The following PCBP3 variants were observed in gnomAD, a reference collection of about 807,000 sequenced individuals.
PCBP3 encodes poly(rC) binding protein 3.
PCBP3 carries 25 observed loss-of-function variants against 52.7 expected under a neutral mutation model. The observed-to-expected ratio is 0.47, with a 90% CI of 0.35 to 0.66. The LOEUF is 0.66. Among genes scored for constraint, PCBP3 ranks in the 30% least tolerant of loss-of-function variants. PCBP3 has a pLI of 0.01. For missense variants in PCBP3, 391 were observed against 490.3 expected, an observed-to-expected ratio of 0.80 and a Z score of 1.91; for synonymous variants, 162 against 183.0, an observed-to-expected ratio of 0.89 and a Z score of 0.93.
intron 4 of PCBP3, among the ~76,000 whole-genome samples, chr21:45,795,449 A>C (rs1037568476): frequency 2.6e-5 from 4 of 152,132 alleles, no homozygotes; most frequent in Non-Finnish European, 4.4e-5. Context: ...CATAAAGTGC[A>C]GTAAAAGTGG....
intron 5 of PCBP3, among the ~76,000 whole-genome samples, chr21:45,895,374 C>T (rs968363851): frequency 1.1e-4 from 17 of 152,254 alleles, no homozygotes; most frequent in Middle Eastern, 3.4e-3. Context: ...GTGGGTTTTA[C>T]GAGCCAGCCC....
chr21:45,646,107 C>CTCTCTCTGTGTGTG (rs1555895746), intron 1 of PCBP3, among the ~76,000 whole-genome samples: 110 of 83,802 alleles, frequency 1.3e-3, no homozygotes, highest in Non-Finnish European at 1.8e-3. Context: ...CTCTCTCTCT[C>CTCTCTCTGTGTGTG]TGTGTGTGTG....
intron 4 of PCBP3, among the ~76,000 whole-genome samples, chr21:45,825,842 A>T (rs2093292584): frequency 6.6e-6 from 1 of 152,168 alleles, no homozygotes; most frequent in East Asian, 1.9e-4. Flanking sequence ...TTTCACAGGG[A>T]GGGATTCAGT....
At chr21:45,900,665 G>C in intron 8 of PCBP3, 42 bp downstream of exon 8, 1 of 1,303,146 alleles carries the variant, frequency 7.7e-7, no homozygotes, top group Non-Finnish European at 1.1e-6. Context: ...CCATTCCCGG[G>C]TGGGCGGGGT....
chr21:45,831,931 G>A (rs1052207493), intron 4 of PCBP3, among the ~76,000 whole-genome samples: 5 of 152,044 alleles, frequency 3.3e-5, no homozygotes, highest in African/African-American at 7.2e-5. Context: ...GGATGGTCTC[G>A]AATTCCTGAC....
At chr21:45,901,298 G>A (rs1295712341) in intron 9 of PCBP3, 185 bp downstream of exon 9, 4 of 576,106 alleles carry the variant, frequency 6.9e-6, no homozygotes, top group Non-Finnish European at 1.3e-5. Context: ...CCCAGTCAGG[G>A]GCCAGTGTCT....
At chr21:45,922,051 T>C (rs913714123) in intron 13 of PCBP3, among the ~76,000 whole-genome samples, 2 of 152,192 alleles carry the variant, frequency 1.3e-5, no homozygotes, top group African/African-American at 4.8e-5. Flanking sequence ...TGTGCCTCTG[T>C]GTGTCCTGCC....
At chr21:45,684,403 G>A (rs1185924944) in intron 2 of PCBP3, among the ~76,000 whole-genome samples, 1 of 152,112 alleles carries the variant, frequency 6.6e-6, no homozygotes, top group Non-Finnish European at 1.5e-5. Context: ...GATATAGTGT[G>A]GATATTTGTC....
chr21:45,937,896 C>T (rs1056780245), intron 16 of PCBP3, among the ~76,000 whole-genome samples: 14 of 152,238 alleles, frequency 9.2e-5, no homozygotes, highest in Admixed American at 7.8e-4. Flanking sequence ...TGTGGTTAGG[C>T]GGGCATGCCC....
rs2092477830 is a variant in PCBP3 at position 45,805,852 on chromosome 21, C to T, written c.-125-44109C>T. On this transcript the variant is annotated intron_variant, in intron 4 of 17. Transcript: ENST00000681687. The surrounding 1 kb of genome is among the most constrained non-coding windows in gnomAD (Gnocchi z 4.6). ...AGGTGGCATTCCCTCCTAGCACCTG[C>T]ACACTCGGATGGTCCTGAGGAAAGG... Among the ~76,000 whole-genome samples, 1 of 152,094 alleles carries T rather than the reference C, an allele frequency of 6.6e-6. No individual in the cohort carries two copies. The highest frequency in any genetic ancestry group is 6.6e-5 in the Admixed American group (1 of 15,266).
rs142296123 is a variant in PCBP3 at position 45,802,846 on chromosome 21, G to A, written c.-125-47115G>A. Among the ~76,000 whole-genome samples the A allele has an allele frequency of 2.4e-3, 366 of 152,326 alleles. 1 individual carries two copies. Among genetic ancestry groups the A allele is most frequent in the African/African-American group, 8.2e-3 (343 of 41,576 alleles). On this transcript the variant is annotated intron_variant, in intron 4 of 17. Coordinates refer to ENST00000681687, the MANE Select transcript of PCBP3 (RefSeq NM_001384156.1). The surrounding 1 kb of genome is among the most constrained non-coding windows in gnomAD (Gnocchi z 5.1). ...CCTAGGGAAACCACACACAGGCCACGGAGGGAAAAGCTTTTAACCCTTGTC... is the reference window on the plus strand; with the variant it reads ...CCTAGGGAAACCACACACAGGCCACAGAGGGAAAAGCTTTTAACCCTTGTC...
chr21:45,914,342 G>A (rs1306745590), intron 12 of PCBP3: 6 of 513,486 alleles, frequency 1.2e-5, no homozygotes, highest in Non-Finnish European at 3.4e-6. Flanking sequence ...GCGCGCAGGC[G>A]CTTTCTAGGT....
chr21:45,821,299 C>T lies in PCBP3; in HGVS notation c.-125-28662C>T, dbSNP rs191617268. Among the ~76,000 whole-genome samples the T allele has an allele frequency of 4.6e-5, 7 of 152,186 alleles. No homozygotes were observed. The highest frequency in any genetic ancestry group is 1.4e-4 in the African/African-American group (6 of 41,508). ...CAGTGACTCCTGGGTCACACTGGCC[C>T]AGCACACACTGAGCTCCAGCCTGAT... On this transcript the variant is annotated intron_variant, in intron 4 of 17. Coordinates refer to ENST00000681687, the MANE Select transcript of PCBP3 (RefSeq NM_001384156.1). This position sits in a 1 kb window ranked among gnomAD's most constrained non-coding sequence, Gnocchi z 4.4.
In PCBP3 at chr21:45,929,572, C is replaced by T. The variant is rs533064085; in HGVS notation, c.718-345C>T. On this transcript the variant is annotated intron_variant, in intron 13 of 17. Coordinates refer to ENST00000681687, the MANE Select transcript of PCBP3 (RefSeq NM_001384156.1). ...TGCAGCTGGTCTTCATCTGTGGCTC[C>T]TGGACTCCCCCAGACTCTCCATGGC... Among the ~76,000 whole-genome samples, 57 of 152,374 alleles carry T rather than the reference C, an allele frequency of 3.7e-4. 1 individual carries two copies. Among genetic ancestry groups the T allele is most frequent in the African/African-American group, 1.3e-3 (56 of 41,600 alleles).
At chr21:45,722,373 T>C (rs1005413964) in intron 2 of PCBP3, among the ~76,000 whole-genome samples, 1 of 152,216 alleles carries the variant, frequency 6.6e-6, no homozygotes, top group African/African-American at 2.4e-5. Context: ...CTGCTATTTG[T>C]TTTCACACAT....
At chr21:45,937,035 G>A (rs1056368307) in intron 16 of PCBP3, among the ~76,000 whole-genome samples, 1 of 152,196 alleles carries the variant, frequency 6.6e-6, no homozygotes, top group African/African-American at 2.4e-5. Context: ...TTTTGTGGGG[G>A]ATGTATCTGG....
rs1023718201 is a variant in PCBP3, at chr21:45,803,000, T to C, written c.-125-46961T>C. Reference sequence around the variant, plus strand: ...TAAAAAATAACATTTCCCGTCTGCATTGTACAGTCATAATTTGAAAACAAA... The same window carrying C: ...TAAAAAATAACATTTCCCGTCTGCACTGTACAGTCATAATTTGAAAACAAA... On this transcript the variant is annotated intron_variant, in intron 4 of 17. Coordinates refer to ENST00000681687, the MANE Select transcript of PCBP3 (RefSeq NM_001384156.1). The surrounding 1 kb of genome is among the most constrained non-coding windows in gnomAD (Gnocchi z 5.1). 4.6e-5 allele frequency among the ~76,000 whole-genome samples: 7 copies of C among 152,264 alleles called. No individual in the cohort carries two copies. The highest frequency in any genetic ancestry group is 2.6e-4 in the Admixed American group (4 of 15,292).
At chr21:45,930,394 G>A (rs982063406) in intron 14 of PCBP3, among the ~76,000 whole-genome samples, 1 of 152,190 alleles carries the variant, frequency 6.6e-6, no homozygotes, top group Admixed American at 6.5e-5. Context: ...AGCTGACGTG[G>A]ATGCTCTTCT....
chr21:45,918,118 C>G (rs1020516394), intron 13 of PCBP3: 8 of 203,586 alleles, frequency 3.9e-5, no homozygotes, highest in Non-Finnish European at 7.0e-5. Flanking sequence ...ACACACAGAT[C>G]CAGGCTGTGG....
Sources: allele counts gnomAD v4.1 joint callset (sites outside exome capture counted in the v4.1 genomes callset), GRCh38; gene constraint gnomAD v4.1.1; non-coding constraint Gnocchi (gnomAD v3.1); transcripts MANE v1.5; gene names NCBI Gene and HGNC (gene_info 2026-07-23, HGNC 2026-07-21).